The following KCNQ1OT1 variants were observed in gnomAD, a reference collection of about 807,000 sequenced individuals.
The protein encoded by KCNQ1OT1 is KCNQ1 opposite strand/antisense transcript 1.
chr11:2,609,676 T>G (rs1848945938), exon 1 of KCNQ1OT1: 1 of 398,408 alleles, frequency 2.5e-6, no homozygotes, highest in Non-Finnish European at 4.4e-6. Context: ...GTTCTGTCAG[T>G]TTTTGCTTCT....
Position 2,621,084 on chromosome 11 carries a change from TCTC to T in KCNQ1OT1, n.78908_78910del, listed in dbSNP as rs1564836225. ...CCTCCACCTCCTGGGTTCAAGCAAT[TCTC>T]CTGTCTCAGACTCCTGAGTAGCTGG... On this transcript the variant is annotated non_coding_transcript_exon_variant, in exon 1 of 1. Coordinates refer to ENST00000597346, the Ensembl canonical transcript of KCNQ1OT1. The surrounding 1 kb of genome is among the most constrained non-coding windows in gnomAD (Gnocchi z 5.7). 5.0e-6 allele frequency: 2 copies of T among 397,114 alleles called. No individual in the cohort carries two copies. The highest frequency in any genetic ancestry group is 4.1e-5 in the African/African-American group (2 of 48,556). The allele number at this position is 397,114 out of a possible 1,614,324, so 24.6% of individuals were successfully genotyped here.
In KCNQ1OT1 at chr11:2,663,765, A is replaced by C. The variant is rs1240959665; in HGVS notation, n.36230T>G. The C allele has an allele frequency of 2.5e-6, 1 of 398,594 alleles. No individual in the cohort carries two copies. The highest frequency in any genetic ancestry group is 4.4e-6 in the Non-Finnish European group (1 of 226,114). 24.7% of individuals were successfully genotyped at this position (398,594 alleles called of 1,614,324 possible). A position where few individuals can be genotyped will look rare whatever the true frequency, so the allele number is the denominator to read the frequency against. On this transcript the variant is annotated non_coding_transcript_exon_variant, in exon 1 of 1. Transcript: ENST00000597346. The surrounding 1 kb of genome is among the most constrained non-coding windows in gnomAD (Gnocchi z 5.2). ...GAGAGACCAGGCACTTATGTGGATC[A>C]CAGCCAAACTTGCAGCTGCCCAGTA... is the stretch of plus-strand genomic sequence containing the variant.
exon 1 of KCNQ1OT1, chr11:2,650,691 T>G (rs1246116675): frequency 7.5e-6 from 3 of 398,538 alleles, no homozygotes; most frequent in Non-Finnish European, 1.3e-5. Flanking sequence ...TGATTCTGTA[T>G]GCAGTTTTGC....
Position 2,611,281 on chromosome 11 carries a change from G to A in KCNQ1OT1, n.88714C>T, listed in dbSNP as rs541068224. 1.4e-3 allele frequency: 551 copies of A among 397,192 alleles called. No individual in the cohort carries two copies. Among genetic ancestry groups the A allele is most frequent in the Non-Finnish European group, 2.2e-3 (496 of 225,774 alleles). 24.6% of individuals were successfully genotyped at this position (397,192 alleles called of 1,614,324 possible). ...GTTGCCCAGGCTGGAGTGCAGTGGC[G>A]TGACCTTGGCTCACTGCAACCTCTG... On this transcript the variant is annotated non_coding_transcript_exon_variant, in exon 1 of 1. Coordinates refer to ENST00000597346, the Ensembl canonical transcript of KCNQ1OT1. The surrounding 1 kb of genome is among the most constrained non-coding windows in gnomAD (Gnocchi z 5.3).
exon 1 of KCNQ1OT1, chr11:2,694,969 AAAG>A (rs745941248): frequency 1.3e-4 from 50 of 398,618 alleles, no homozygotes; most frequent in Non-Finnish European, 1.8e-4. Flanking sequence ...CAGATTTAAC[AAAG>A]AAGAAGAAGG....
In KCNQ1OT1 at chr11:2,661,745, C is replaced by T; in HGVS notation, n.38250G>A. 1.6e-6 allele frequency: 1 copy of T among 628,772 alleles called. No individual in the cohort carries two copies. The highest frequency in any genetic ancestry group is 1.8e-5 in the South Asian group (1 of 54,466). 38.9% of individuals were successfully genotyped at this position (628,772 alleles called of 1,614,324 possible). A position where few individuals can be genotyped will look rare whatever the true frequency, so the allele number is the denominator to read the frequency against. ...ACCACTCCGAAGATGATTCACTGGC[C>T]TTTATTCTCCTCAGACACTGAGGTG... is the stretch of plus-strand genomic sequence containing the variant. On this transcript the variant is annotated non_coding_transcript_exon_variant, in exon 1 of 1. Transcript: ENST00000597346. The surrounding 1 kb of genome is among the most constrained non-coding windows in gnomAD (Gnocchi z 5.9).
At position 2,652,273 on chromosome 11, in the gene KCNQ1OT1, C is replaced by T. The variant is rs993674217; in HGVS notation, n.47722G>A. 2.5e-6 allele frequency: 1 copy of T among 398,652 alleles called. No homozygotes were observed. The highest frequency in any genetic ancestry group is 4.4e-6 in the Non-Finnish European group (1 of 226,078). The allele number at this position is 398,652 out of a possible 1,614,324, so 24.7% of individuals were successfully genotyped here. A position where few individuals can be genotyped will look rare whatever the true frequency, so the allele number is the denominator to read the frequency against. On this transcript the variant is annotated non_coding_transcript_exon_variant, in exon 1 of 1. Transcript: ENST00000597346. This position sits in a 1 kb window ranked among gnomAD's most constrained non-coding sequence, Gnocchi z 5.9. ...CCATTAAACATTCTGAGAACATCTGCACCGGTTTCCAAGGCTTCTCCCTCA... is the reference window on the plus strand; with the variant it reads ...CCATTAAACATTCTGAGAACATCTGTACCGGTTTCCAAGGCTTCTCCCTCA...
In KCNQ1OT1 at chr11:2,687,926, C is replaced by G; in HGVS notation, n.12069G>C. The G allele has an allele frequency of 1.0e-5, 4 of 398,782 alleles. No individual in the cohort carries two copies. The highest frequency in any genetic ancestry group is 1.8e-5 in the Non-Finnish European group (4 of 226,168). 24.7% of individuals were successfully genotyped at this position (398,782 alleles called of 1,614,324 possible). ...TGGAAAATCCCCAGCAGTTGTGAGGCTGCACTTCTCCCACCCGCTGTGGGT... is the reference window on the plus strand; with the variant it reads ...TGGAAAATCCCCAGCAGTTGTGAGGGTGCACTTCTCCCACCCGCTGTGGGT... On this transcript the variant is annotated non_coding_transcript_exon_variant, in exon 1 of 1. Coordinates refer to ENST00000597346, the Ensembl canonical transcript of KCNQ1OT1. The surrounding 1 kb of genome is among the most constrained non-coding windows in gnomAD (Gnocchi z 5.0).
chr11:2,665,074 G>C, exon 1 of KCNQ1OT1: 1 of 398,508 alleles, frequency 2.5e-6, no homozygotes, highest in Non-Finnish European at 4.4e-6. Flanking sequence ...ACAAGCTGAG[G>C]CACGGGGTAC....
chr11:2,609,599 C>T (rs1379058473), exon 1 of KCNQ1OT1: 7 of 398,206 alleles, frequency 1.8e-5, no homozygotes, highest in East Asian at 7.1e-5. Flanking sequence ...TCTTGTACTA[C>T]ACATTATTGA....
chr11:2,615,175 A>G (rs1271499047), exon 1 of KCNQ1OT1: 1 of 398,100 alleles, frequency 2.5e-6, no homozygotes, highest in Non-Finnish European at 4.4e-6. Flanking sequence ...GGAATTTTAA[A>G]AATTGACTTC....
chr11:2,608,632 C>CA lies in KCNQ1OT1; in HGVS notation n.91362dup, dbSNP rs569990414. The CA allele has an allele frequency of 9.8e-4, 390 of 398,468 alleles. 2 individuals carry two copies. The highest frequency in any genetic ancestry group is 6.0e-3 in the African/African-American group (292 of 48,674). The allele number at this position is 398,468 out of a possible 1,614,324, so 24.7% of individuals were successfully genotyped here. A position where few individuals can be genotyped will look rare whatever the true frequency, so the allele number is the denominator to read the frequency against. ...GTGCACCACAACACCAGCTGTTATTCAAAAAATATTTTGTAGAGATAGGGT... is the reference window on the plus strand; with the variant it reads ...GTGCACCACAACACCAGCTGTTATTCAAAAAAATATTTTGTAGAGATAGGGT... On this transcript the variant is annotated non_coding_transcript_exon_variant, in exon 1 of 1. Coordinates refer to ENST00000597346, the Ensembl canonical transcript of KCNQ1OT1. This position sits in a 1 kb window ranked among gnomAD's most constrained non-coding sequence, Gnocchi z 4.6.
At chr11:2,666,621 G>A (rs191073574) in exon 1 of KCNQ1OT1, 2 of 398,672 alleles carry the variant, frequency 5.0e-6, no homozygotes, top group Admixed American at 4.4e-5. Flanking sequence ...CGTCACAAGG[G>A]TGGCCCCAAA....
At position 2,621,859 on chromosome 11, in the gene KCNQ1OT1, TTTTC is replaced by T; in HGVS notation, n.78132_78135del. 2.5e-6 allele frequency: 1 copy of T among 398,380 alleles called. No homozygotes were observed. The highest frequency in any genetic ancestry group is 4.4e-6 in the Non-Finnish European group (1 of 225,944). 24.7% of individuals were successfully genotyped at this position (398,380 alleles called of 1,614,324 possible). On this transcript the variant is annotated non_coding_transcript_exon_variant, in exon 1 of 1. Transcript: ENST00000597346. The surrounding 1 kb of genome is among the most constrained non-coding windows in gnomAD (Gnocchi z 5.7). ...TTTACTGACTTTTTTCCCCTATGGTTTTTCTTTCTAACTTGTCTCTGTTCTGATC... is the reference window on the plus strand; with the variant it reads ...TTTACTGACTTTTTTCCCCTATGGTTTTTCTAACTTGTCTCTGTTCTGATC...
At chr11:2,672,933 C>T (rs1444907943) in exon 1 of KCNQ1OT1, 1 of 398,590 alleles carries the variant, frequency 2.5e-6, no homozygotes, top group African/African-American at 2.1e-5. Context: ...TGCAGGCCCA[C>T]CACAGGTGGC....
chr11:2,662,079 A>G, exon 1 of KCNQ1OT1: 1 of 1,588,094 alleles, frequency 6.3e-7, no homozygotes. Flanking sequence ...CCCACATCTC[A>G]CAGTGAGTGC....
In KCNQ1OT1 at chr11:2,652,148, C is replaced by T. The variant is rs185446735; in HGVS notation, n.47847G>A. Reference sequence around the variant, plus strand: ...GGAAGGGACCTGTGTTTCTCAAGCCCGCGCCCTCGGGGCCTGGGGGTGGGG... The same window carrying T: ...GGAAGGGACCTGTGTTTCTCAAGCCTGCGCCCTCGGGGCCTGGGGGTGGGG... On this transcript the variant is annotated non_coding_transcript_exon_variant, in exon 1 of 1. Transcript: ENST00000597346. The surrounding 1 kb of genome is among the most constrained non-coding windows in gnomAD (Gnocchi z 5.9). The T allele has an allele frequency of 1.7e-3, 662 of 398,610 alleles. 5 individuals carry two copies. Among genetic ancestry groups the T allele is most frequent in the African/African-American group, 0.013 (610 of 48,726 alleles). 24.7% of individuals were successfully genotyped at this position (398,610 alleles called of 1,614,324 possible). A position where few individuals can be genotyped will look rare whatever the true frequency, so the allele number is the denominator to read the frequency against.
chr11:2,646,552 G>A, exon 1 of KCNQ1OT1: 2 of 398,602 alleles, frequency 5.0e-6, no homozygotes, highest in Non-Finnish European at 8.8e-6. Context: ...TGCAGACAGG[G>A]TCTCACTCTG....
At chr11:2,625,570 C>T in exon 1 of KCNQ1OT1, 1 of 367,554 alleles carries the variant, frequency 2.7e-6, no homozygotes, top group Non-Finnish European at 4.6e-6. Context: ...CTGTCCAAGT[C>T]CTTTGCCCTT....
Sources: gnomAD v4.1 joint callset for allele counts on GRCh38, gnomAD v4.1.1 for gene constraint, Gnocchi (gnomAD v3.1) non-coding constraint, MANE v1.5 for transcripts, NCBI Gene and HGNC (gene_info 2026-07-23, HGNC 2026-07-21) for gene names.